Variants in DPY19L4 observed in about 807,000 individuals in gnomAD.
DPY19L4 encodes dpy-19 like 4.
DPY19L4 carries 97 observed loss-of-function variants against 102.8 expected under a neutral mutation model. That is an observed-to-expected ratio of 0.94 (90% CI 0.80 to 1.12). The LOEUF is 1.12. Ranked by LOEUF, DPY19L4 falls within the 50% of genes most tolerant of loss-of-function variation. The probability of loss-of-function intolerance (pLI) is 0.00; values close to 1 mark genes in which losing one functional copy is unlikely to be tolerated. For missense variants in DPY19L4, 815 were observed against 850.4 expected, an observed-to-expected ratio of 0.96 and a Z score of 0.52; for synonymous variants, 252 against 283.1, an observed-to-expected ratio of 0.89 and a Z score of 1.10.
chr8:94,726,165 A>G (rs1037974080), intron 1 of DPY19L4, among the ~76,000 whole-genome samples, 166 bp from the exon 2 acceptor site: 11 of 152,214 alleles, frequency 7.2e-5, no homozygotes, highest in Non-Finnish European at 1.5e-4. Context: ...TTTTTTAGAC[A>G]AAAGATAATT....
intron 6 of DPY19L4, among the ~76,000 whole-genome samples, chr8:94,742,456 G>A (rs1411856028): frequency 5.3e-5 from 8 of 152,030 alleles, no homozygotes; most frequent in Non-Finnish European, 1.0e-4. Context: ...GCAATGGCAC[G>A]ATCTTGGCTC....
At chr8:94,767,502 T>A (rs1335433081) in intron 11 of DPY19L4, among the ~76,000 whole-genome samples, 1 of 151,990 alleles carries the variant, frequency 6.6e-6, no homozygotes, top group Admixed American at 6.6e-5. Flanking sequence ...ACTGTGTTAG[T>A]CAGGATGGCC....
chr8:94,764,711 ATATATATTTTTTTTTT>A (rs1812575954), intron 8 of DPY19L4, among the ~76,000 whole-genome samples: 2 of 62,060 alleles, frequency 3.2e-5, no homozygotes, highest in African/African-American at 1.6e-4. Context: ...ATATATATAT[ATATATATTTTTTTTTT>A]TTTTTTTTTT....
chr8:94,752,757 C>T (rs1015547694), intron 6 of DPY19L4, among the ~76,000 whole-genome samples: 2 of 150,762 alleles, frequency 1.3e-5, no homozygotes, highest in African/African-American at 4.9e-5. Context: ...CTCCGCCACC[C>T]CGGTTCACGC....
In DPY19L4 at chr8:94,768,625, ATTC is replaced by A. The variant is rs979378329; in HGVS notation, c.1334+76_1334+78del. ...AATATATAAAATACTTATTTTTAAT[ATTC>A]TTCCAAGATTTCTGTATTTGTTTTA... On this transcript the variant is annotated intron_variant, in intron 12 of 18. Coordinates refer to ENST00000414645, the MANE Select transcript of DPY19L4 (RefSeq NM_181787.3). 9.9e-6 allele frequency: 9 copies of A among 908,572 alleles called. No homozygotes were observed. The African/African-American group carries it at 1.6e-4, about 16-fold the overall frequency. The allele number at this position is 908,572 out of a possible 1,614,324, so 56.3% of individuals were successfully genotyped here.
chr8:94,733,648 T>G (rs1811067387), intron 2 of DPY19L4, among the ~76,000 whole-genome samples: 1 of 151,740 alleles, frequency 6.6e-6, no homozygotes, highest in Non-Finnish European at 1.5e-5. Flanking sequence ...TTCAAGTGAT[T>G]CTCCTGCCTC....
At chr8:94,721,650 TA>T (rs990086200) in intron 1 of DPY19L4, among the ~76,000 whole-genome samples, 1 of 152,198 alleles carries the variant, frequency 6.6e-6, no homozygotes, top group Non-Finnish European at 1.5e-5. Context: ...CTTAAAGCAT[TA>T]AAAAAGTTAA....
chr8:94,789,012 G>A (rs1019789221), intron 18 of DPY19L4, among the ~76,000 whole-genome samples: 1 of 152,124 alleles, frequency 6.6e-6, no homozygotes, highest in African/African-American at 2.4e-5. Context: ...GTACTTAGTG[G>A]CTGTGATCTT....
intron 17 of DPY19L4, among the ~76,000 whole-genome samples, chr8:94,784,847 C>T (rs1259612441): frequency 6.6e-6 from 1 of 152,140 alleles, no homozygotes; most frequent in Admixed American, 6.5e-5. Flanking sequence ...AATAAATGGG[C>T]AGTTATTGAC....
intron 3 of DPY19L4, among the ~76,000 whole-genome samples, chr8:94,735,154 A>G (rs1811140572): frequency 6.6e-6 from 1 of 152,224 alleles, no homozygotes; most frequent in Non-Finnish European, 1.5e-5. Context: ...GGCATCACAT[A>G]GTATTAAGAT....
At chr8:94,783,642 G>A in intron 16 of DPY19L4, 28 bp from the exon 17 acceptor site, 1 of 1,609,460 alleles carries the variant, frequency 6.2e-7, no homozygotes, top group Non-Finnish European at 8.5e-7. Context: ...TGCCTTTTCA[G>A]TGTGCAAATC....
chr8:94,764,728 T>TTTTTTTTTTC lies in DPY19L4; in HGVS notation c.871-446_871-445insCTTTTTTTTT, dbSNP rs1563601464. Reference sequence around the variant, plus strand: ...ATATATATATATATATTTTTTTTTTTTTTTTTTTTTTTTTGTCCTGAGACA... The same window carrying TTTTTTTTTTC: ...ATATATATATATATATTTTTTTTTTTTTTTTTTTTCTTTTTTTTTTTTTTGTCCTGAGACA... On this transcript the variant is annotated intron_variant, in intron 8 of 18. Coordinates refer to ENST00000414645, the MANE Select transcript of DPY19L4 (RefSeq NM_181787.3). Among the ~76,000 whole-genome samples, 114 of 97,524 alleles carry TTTTTTTTTTC rather than the reference T, an allele frequency of 1.2e-3. 4 individuals are homozygous for TTTTTTTTTTC. The highest frequency in any genetic ancestry group is 5.1e-3 in the African/African-American group (110 of 21,676). 64.0% of individuals were successfully genotyped at this position (97,524 alleles called of 152,430 possible).
rs1813848095 is a variant in DPY19L4, at chr8:94,790,535, A to G, written c.*625A>G. The G allele has an allele frequency of 6.6e-6, 1 of 152,424 alleles. No homozygotes were observed. The allele number at this position is 152,424 out of a possible 1,614,324, so 9.4% of individuals were successfully genotyped here. ...GCTTATGTTAAGTGAGAACTTTCTT[A>G]GTAATACATAATGCATGATGTTACT... On this transcript the variant is annotated 3_prime_UTR_variant, in exon 19 of 19. Transcript: ENST00000414645.
At chr8:94,781,228 A>T in intron 16 of DPY19L4, 62 bp downstream of exon 16, 2 of 1,272,838 alleles carry the variant, frequency 1.6e-6, no homozygotes, top group Non-Finnish European at 2.1e-6. Flanking sequence ...ATGCTATCTA[A>T]TGAATTCACA....
chr8:94,779,678 T>C (rs531538790), intron 14 of DPY19L4, among the ~76,000 whole-genome samples: 1 of 152,028 alleles, frequency 6.6e-6, no homozygotes, highest in African/African-American at 2.4e-5. Context: ...GTATGCCAGA[T>C]TGGAATGAAA....
At chr8:94,740,282 C>T (rs1162750817) in intron 6 of DPY19L4, among the ~76,000 whole-genome samples, 2 of 152,046 alleles carry the variant, frequency 1.3e-5, no homozygotes, top group African/African-American at 2.4e-5. Flanking sequence ...ACATAATATG[C>T]CAGCATATTC....
chr8:94,787,294 C>G (rs914856795), intron 17 of DPY19L4, among the ~76,000 whole-genome samples: 1 of 151,972 alleles, frequency 6.6e-6, no homozygotes, highest in Non-Finnish European at 1.5e-5. Flanking sequence ...GAACCATTCC[C>G]ACTGAAACGT....
At position 94,742,848 on chromosome 8, in the gene DPY19L4, G is replaced by A. The variant is rs546756901; in HGVS notation, c.611+3058G>A. 1.3e-4 allele frequency among the ~76,000 whole-genome samples: 19 copies of A among 151,734 alleles called. No homozygotes were observed. In the South Asian group the frequency reaches 1.5e-3, roughly 12 times the overall value. ...GCTGGGATTATAGGTGTGAGCCACC[G>A]CGCCCGGCCAATGCCTGGCTGATTT... On this transcript the variant is annotated intron_variant, in intron 6 of 18. Coordinates refer to ENST00000414645, the MANE Select transcript of DPY19L4 (RefSeq NM_181787.3).
At chr8:94,759,984 A>G (rs968972286) in intron 7 of DPY19L4, among the ~76,000 whole-genome samples, 1 of 152,208 alleles carries the variant, frequency 6.6e-6, no homozygotes, top group East Asian at 1.9e-4. Context: ...CATAAATCCT[A>G]TGTGTAAAAA....
Sources: gnomAD v4.1 joint callset for allele counts (sites outside exome capture counted in the v4.1 genomes callset) on GRCh38, gnomAD v4.1.1 for gene constraint, MANE v1.5 for transcripts, NCBI Gene and HGNC (gene_info 2026-07-23, HGNC 2026-07-21) for gene names.